Variants in CSMD2 observed in about 807,000 individuals in gnomAD.
The protein encoded by CSMD2 is CUB and Sushi multiple domains 2.
In CSMD2, 130 loss-of-function variants were observed where a neutral mutation model predicts 398.5. That is an observed-to-expected ratio of 0.33 (90% CI 0.28 to 0.38). CSMD2 has a LOEUF of 0.38. Among genes scored for constraint, CSMD2 ranks in the 10% least tolerant of loss-of-function variants. The pLI is 1.00. For missense variants in CSMD2, 3,829 were observed against 4,764.9 expected (o/e 0.80, Z 5.78); for synonymous variants, 1,828 against 1,908.5 (o/e 0.96, Z 1.10).
At chr1:34,054,426 T>C (rs1013135740) in intron 2 of CSMD2, among the ~76,000 whole-genome samples, 6 of 152,102 alleles carry the variant, frequency 3.9e-5, no homozygotes, top group African/African-American at 1.4e-4. Flanking sequence ...ATCCAAACTA[T>C]AAAAGTGGTT....
rs201286637 is a variant in CSMD2 at position 33,728,613 on chromosome 1, G to A, written c.2369-1928C>T. On this transcript the variant is annotated intron_variant, in intron 15 of 70. Coordinates refer to ENST00000373381, the MANE Select transcript of CSMD2 (RefSeq NM_001281956.2). ...AGGATACAGAGCTAATGAAATTAGA[G>A]CTGAGATTGAATCTCAAGACTTCTG... Among the ~76,000 whole-genome samples the A allele has an allele frequency of 2.0e-5, 3 of 152,182 alleles. No homozygotes were observed. The East Asian group carries it at 5.8e-4, about 29-fold the overall frequency.
intron 13 of CSMD2, among the ~76,000 whole-genome samples, chr1:33,771,059 G>C (rs184418516): frequency 1.1e-4 from 17 of 152,336 alleles, no homozygotes; most frequent in Non-Finnish European, 2.2e-4. Context: ...GGTCCTAAGA[G>C]GCTGGCTGGT....
At chr1:33,861,189 G>A (rs981549591) in intron 5 of CSMD2, 5 of 152,198 alleles carry the variant, frequency 3.3e-5, no homozygotes, top group Non-Finnish European at 7.3e-5. Context: ...GATGTAAAAT[G>A]TATTTCTTAT....
At chr1:33,923,355 T>G (rs1184256071) in intron 4 of CSMD2, among the ~76,000 whole-genome samples, 1 of 152,086 alleles carries the variant, frequency 6.6e-6, no homozygotes, top group East Asian at 1.9e-4. Context: ...CTCCCTCTCT[T>G]GCTCTTGCTC....
chr1:33,657,819 T>C (rs1188892908), intron 27 of CSMD2, 127 bp downstream of exon 27: 3 of 900,398 alleles, frequency 3.3e-6, no homozygotes, highest in East Asian at 5.0e-5. Flanking sequence ...CAATGGGTTT[T>C]CTGCAACTTT....
At chr1:33,611,339 C>A in intron 40 of CSMD2, 89 bp from the exon 41 acceptor site, 2 of 1,130,728 alleles carry the variant, frequency 1.8e-6, no homozygotes, top group South Asian at 2.7e-5. Flanking sequence ...CTGCCAGAGC[C>A]ATGAGTCCCT....
At chr1:33,934,441 A>T (rs988230943) in intron 4 of CSMD2, among the ~76,000 whole-genome samples, 2 of 152,234 alleles carry the variant, frequency 1.3e-5, no homozygotes, top group Admixed American at 6.5e-5. Context: ...AAAAGGAGGG[A>T]CAAGGCTGGA....
In CSMD2 at chr1:33,546,078, T is replaced by A; in HGVS notation, c.9059A>T (p.Gln3020Leu). The A allele has an allele frequency of 6.2e-7, 1 of 1,614,064 alleles. No homozygotes were observed. The highest frequency in any genetic ancestry group is 1.7e-4 in the Middle Eastern group (1 of 6,058). The change falls in exon 57 of 71, where the codon CAA becomes CTA. Residue 3020 changes from glutamine to leucine, a missense_variant. Around this residue, in one of 5 missense-constraint regions of CSMD2, gnomAD observed 917 missense variants for 1,199.5 expected, o/e 0.76. Transcript: ENST00000373381. ...VLRGSSERTC[Q>L]ANGSWSGSQP... Reference sequence around the variant, plus strand: ...CGAGCCGCTCCACGAGCCATTGGCTTGACAGGTGCGCTCTGACGATCCCCG... The same window carrying A: ...CGAGCCGCTCCACGAGCCATTGGCTAGACAGGTGCGCTCTGACGATCCCCG...
chr1:33,694,606 C>G (rs569157541), intron 24 of CSMD2, among the ~76,000 whole-genome samples: 3 of 152,278 alleles, frequency 2.0e-5, no homozygotes, highest in African/African-American at 7.2e-5. Flanking sequence ...CCTGCTTCCC[C>G]TTCCGCCATG....
intron 56 of CSMD2, among the ~76,000 whole-genome samples, chr1:33,549,903 T>C (rs1018155028): frequency 5.3e-5 from 8 of 152,172 alleles, no homozygotes; most frequent in African/African-American, 1.9e-4. Context: ...ACTCTGGCCA[T>C]AGGTTGACCT....
At chr1:34,131,037 C>A (rs2148497576) in intron 1 of CSMD2, among the ~76,000 whole-genome samples, 1 of 152,268 alleles carries the variant, frequency 6.6e-6, no homozygotes, top group Admixed American at 6.5e-5. Flanking sequence ...GGTACCTGTT[C>A]CTTTCTGCCT....
At chr1:33,840,845 T>C (rs1176623199) in intron 6 of CSMD2, among the ~76,000 whole-genome samples, 1 of 152,132 alleles carries the variant, frequency 6.6e-6, no homozygotes, top group Non-Finnish European at 1.5e-5. Flanking sequence ...GCTGGAAAGT[T>C]TAGCAGATCA....
At chr1:33,584,837 A>C (rs1352415812) in intron 46 of CSMD2, among the ~76,000 whole-genome samples, 2 of 151,428 alleles carry the variant, frequency 1.3e-5, no homozygotes, top group Non-Finnish European at 3.0e-5. Context: ...TTATATAGCT[A>C]AAGAAAAAAA....
At chr1:34,074,842 G>A (rs764579460) in intron 2 of CSMD2, among the ~76,000 whole-genome samples, 1 of 152,198 alleles carries the variant, frequency 6.6e-6, no homozygotes, top group African/African-American at 2.4e-5. Context: ...CCTGGGCAAG[G>A]AAGGGACAAC....
At chr1:33,951,967 C>T (rs1570608448) in intron 3 of CSMD2, among the ~76,000 whole-genome samples, 2 of 152,342 alleles carry the variant, frequency 1.3e-5, no homozygotes, top group South Asian at 4.1e-4. Flanking sequence ...CCTTTCAAGA[C>T]TCAGTTCAAA....
rs1356276426 is a variant in CSMD2 at position 33,825,734 on chromosome 1, C to T, written c.1074G>A (p.Leu358=). ...QIELKSRGVK[L]MPSKDNSQKT... is the part of the protein sequence containing the mutation. ...TCTGGCTGTTGTCTTTGCTGGGCAT[C>T]AGCTTCACACCTCGAGACTTCAACT... The change falls in exon 7 of 71, where the codon CTG becomes CTA. Residue 358 remains leucine (L), a synonymous_variant. Coordinates refer to ENST00000373381, the MANE Select transcript of CSMD2 (RefSeq NM_001281956.2). The T allele has an allele frequency of 1.2e-6, 2 of 1,614,016 alleles. No homozygotes were observed. Among genetic ancestry groups the T allele is most frequent in the Non-Finnish European group, 1.7e-6 (2 of 1,179,966 alleles).
chr1:33,907,164 G>A (rs1248390322), intron 5 of CSMD2, among the ~76,000 whole-genome samples: 1 of 146,804 alleles, frequency 6.8e-6, no homozygotes, highest in African/African-American at 2.6e-5. Flanking sequence ...TGTCGCCCAG[G>A]CTGGAGTGCA....
chr1:33,569,521 G>A lies in CSMD2; in HGVS notation c.7984C>T (p.Pro2662Ser), dbSNP rs550689063. The A allele has an allele frequency of 1.9e-6, 3 of 1,614,164 alleles. No individual in the cohort carries two copies. Among genetic ancestry groups the A allele is most frequent in the African/African-American group, 1.3e-5 (1 of 75,048 alleles). ...GTTCCGATGCGGTGGCCATTGGGGG[G>A]AATCGGGAGCTCTCCACAGGAGATG... ...RIISCGELPIPPNGHRIGTLS... is the reference protein window; with the variant it reads ...RIISCGELPISPNGHRIGTLS... Residue 2662 changes from proline to serine, a missense_variant, in exon 52 of 71, where the codon CCC becomes TCC. Pro to Ser is a moderately conservative substitution (Grantham distance 74). Around this residue, in one of 5 missense-constraint regions of CSMD2, gnomAD observed 723 missense variants for 758.6 expected, o/e 0.95. Coordinates refer to ENST00000373381, the MANE Select transcript of CSMD2 (RefSeq NM_001281956.2).
intron 28 of CSMD2, among the ~76,000 whole-genome samples, chr1:33,648,724 C>A (rs535558117): frequency 1.3e-5 from 2 of 152,110 alleles, no homozygotes; most frequent in Non-Finnish European, 2.9e-5. Context: ...TCCTTCTGCC[C>A]GACAACAATG....
Sources: gnomAD v4.1 joint callset for allele counts (sites outside exome capture counted in the v4.1 genomes callset) on GRCh38, gnomAD v4.1.1 for gene constraint, gnomAD v4.1.1 regional missense constraint, MANE v1.5 for transcripts, NCBI Gene and HGNC (gene_info 2026-07-23, HGNC 2026-07-21) for gene names.